GPHN: variants seen among roughly 807,000 people sequenced by gnomAD.
GPHN encodes gephyrin.
A neutral mutation model predicts 95.5 loss-of-function variants in GPHN; 17 were observed. That is an observed-to-expected ratio of 0.18 (90% CI 0.12 to 0.27). The LOEUF (loss-of-function observed/expected upper bound fraction) is 0.27, where lower values mean the gene tolerates loss of function less well. Among genes scored for constraint, GPHN ranks in the 10% least tolerant of loss-of-function variants. The probability of loss-of-function intolerance (pLI) is 1.00; values close to 1 mark genes in which losing one functional copy is unlikely to be tolerated. For missense variants in GPHN, 660 were observed against 978.1 expected (o/e 0.67, Z 4.34); for synonymous variants, 320 against 322.5 (o/e 0.99, Z 0.08).
chr14:67,255,745 A>T, the GPHN span, among the ~76,000 whole-genome samples: 1 of 152,194 alleles, frequency 6.6e-6, no homozygotes, highest in Admixed American at 6.5e-5. Context: ...CAGTAGTGCA[A>T]TCTGGGCTCA....
chr14:67,177,037 T>C (rs2083008910), intron 21 of GPHN, among the ~76,000 whole-genome samples: 2 of 152,204 alleles, frequency 1.3e-5, no homozygotes, highest in African/African-American at 4.8e-5. Context: ...GCTCCTGGAT[T>C]CACTGATTTT....
At chr14:67,659,215 G>A in the GPHN span, among the ~76,000 whole-genome samples, 5 of 152,160 alleles carry the variant, frequency 3.3e-5, no homozygotes, top group Non-Finnish European at 7.3e-5. Context: ...TTCTCGAGAA[G>A]CGCCCTGCAT....
chr14:66,803,519 C>G (rs971082319), intron 3 of GPHN, among the ~76,000 whole-genome samples: 18 of 152,176 alleles, frequency 1.2e-4, no homozygotes, highest in Admixed American at 1.1e-3. Context: ...CTCCACCCCT[C>G]TCTTCAGTAA....
chr14:66,807,583 ACTC>A (rs1460988362), intron 3 of GPHN, among the ~76,000 whole-genome samples: 1 of 152,074 alleles, frequency 6.6e-6, no homozygotes. Context: ...ACTTTCCAGT[ACTC>A]CTTTTCTCTT....
At chr14:67,074,689 A>G (rs2076429566) in intron 11 of GPHN, among the ~76,000 whole-genome samples, 1 of 152,222 alleles carries the variant, frequency 6.6e-6, no homozygotes, top group South Asian at 2.1e-4. Context: ...CGCTGGTGCT[A>G]CAGCCAAGTT....
the GPHN span, among the ~76,000 whole-genome samples, chr14:67,543,752 T>C: frequency 9.4e-5 from 14 of 149,104 alleles, no homozygotes; most frequent in South Asian, 3.1e-3. Flanking sequence ...AAGAGACTTC[T>C]GTTTCTAGTA....
rs777510695 is a variant in GPHN at position 66,660,956 on chromosome 14, T to C, written c.65-20151T>C. On this transcript the variant is annotated intron_variant, in intron 1 of 22. Transcript: ENST00000478722. Reference sequence around the variant, plus strand: ...TCAGGAGATCCCCTTGTGAATCCATTCCACCAGGGCCTTCGGTCTGACACA... The same window carrying C: ...TCAGGAGATCCCCTTGTGAATCCATCCCACCAGGGCCTTCGGTCTGACACA... Among the ~76,000 whole-genome samples, 4 of 152,150 alleles carry C rather than the reference T, an allele frequency of 2.6e-5. No homozygotes were observed. In the South Asian group the frequency reaches 8.3e-4, roughly 32 times the overall value.
chr14:66,745,449 A>G (rs1411618528), intron 2 of GPHN, among the ~76,000 whole-genome samples: 2 of 152,116 alleles, frequency 1.3e-5, no homozygotes, highest in Non-Finnish European at 2.9e-5. Context: ...ATCATAAAAT[A>G]TAACATACAA....
intron 11 of GPHN, among the ~76,000 whole-genome samples, chr14:67,076,358 C>G (rs1031602162): frequency 7.9e-5 from 12 of 152,066 alleles, no homozygotes; most frequent in Admixed American, 6.6e-4. Context: ...ACTGGCTAAC[C>G]AGAAAATTGG....
intron 8 of GPHN, among the ~76,000 whole-genome samples, chr14:66,928,454 C>A (rs888439032): frequency 1.3e-5 from 2 of 151,976 alleles, no homozygotes; most frequent in Admixed American, 1.3e-4. Context: ...TTTTGTTTAT[C>A]TTTCTTAGAA....
chr14:66,623,822 T>C (rs1245785471), intron 1 of GPHN, among the ~76,000 whole-genome samples: 1 of 151,990 alleles, frequency 6.6e-6, no homozygotes, highest in Admixed American at 6.6e-5. Flanking sequence ...CAGATCACCA[T>C]CCTTGGTCCC....
At chr14:67,261,220 C>T in the GPHN span, among the ~76,000 whole-genome samples, 10 of 151,990 alleles carry the variant, frequency 6.6e-5, no homozygotes, top group African/African-American at 1.7e-4. Flanking sequence ...AGGAGTGCTT[C>T]GGAAAGTTAA....
the GPHN span, among the ~76,000 whole-genome samples, chr14:67,558,219 C>T: frequency 6.6e-6 from 1 of 152,194 alleles, no homozygotes; most frequent in African/African-American, 2.4e-5. Context: ...CAGCTTTCCC[C>T]TCGTGCCAGA....
chr14:66,796,827 T>C (rs1461350295), intron 3 of GPHN, among the ~76,000 whole-genome samples: 1 of 152,024 alleles, frequency 6.6e-6, no homozygotes, highest in East Asian at 1.9e-4. Context: ...TAATGTGATA[T>C]ACTCCTATTT....
At chr14:67,100,945 T>A (rs190523067) in intron 13 of GPHN, 34 bp downstream of exon 13, 1 of 1,281,330 alleles carries the variant, frequency 7.8e-7, no homozygotes, top group Non-Finnish European at 1.1e-6. Flanking sequence ...CACTGAAGAT[T>A]TCAGCTTCAT....
chr14:66,676,060 A>G (rs1437014380), intron 1 of GPHN, among the ~76,000 whole-genome samples: 1 of 152,068 alleles, frequency 6.6e-6, no homozygotes, highest in East Asian at 1.9e-4. Context: ...ACACACATAT[A>G]TATATATATA....
the GPHN span, among the ~76,000 whole-genome samples, chr14:67,194,431 A>G: frequency 2.1e-4 from 32 of 151,816 alleles, no homozygotes; most frequent in Non-Finnish European, 4.6e-4. Context: ...TACGATGATG[A>G]GGGGGGCGTG....
At chr14:67,689,640 G>A in the GPHN span, among the ~76,000 whole-genome samples, 4 of 152,070 alleles carry the variant, frequency 2.6e-5, no homozygotes, top group Non-Finnish European at 5.9e-5. Context: ...TATGAAGAAG[G>A]AAGTCCTAAA....
chr14:66,761,834 G>C (rs777365123), intron 2 of GPHN, among the ~76,000 whole-genome samples: 1 of 151,944 alleles, frequency 6.6e-6, no homozygotes, highest in African/African-American at 2.4e-5. Context: ...TAATTTCTTT[G>C]TATTTTTAGT....
Sources: allele counts gnomAD v4.1 joint callset (sites outside exome capture counted in the v4.1 genomes callset), GRCh38; gene constraint gnomAD v4.1.1; transcripts MANE v1.5; gene names NCBI Gene and HGNC (gene_info 2026-07-23, HGNC 2026-07-21).